CREB3L1: variants seen among roughly 807,000 people sequenced by gnomAD.
CREB3L1 encodes cyclic AMP-responsive element-binding protein 3-like protein 1.
Under a neutral mutation model 54.5 loss-of-function variants are expected in CREB3L1, and 33 were observed. The ratio of observed to expected loss-of-function variants is 0.61; its 90% CI spans 0.46 to 0.81. CREB3L1 has a LOEUF of 0.81. Among genes scored for constraint, CREB3L1 ranks in the 30% least tolerant of loss-of-function variants. CREB3L1 has a pLI of 0.00. For missense variants in CREB3L1, 656 were observed against 673.3 expected, an observed-to-expected ratio of 0.97 and a Z score of 0.29; for synonymous variants, 284 against 286.4, an observed-to-expected ratio of 0.99 and a Z score of 0.08.
chr11:46,305,498 C>T (rs1372231245), intron 2 of CREB3L1, among the ~76,000 whole-genome samples: 1 of 151,702 alleles, frequency 6.6e-6, no homozygotes, highest in Non-Finnish European at 1.5e-5. Context: ...GATTTCAACA[C>T]TTCCTGCAGT....
At position 46,312,923 on chromosome 11, in the gene CREB3L1, G is replaced by T. The variant is rs1404288892; in HGVS notation, c.1031+4G>T. 6.3e-7 allele frequency: 1 copy of T among 1,577,582 alleles called. No homozygotes were observed. Among genetic ancestry groups the T allele is most frequent in the South Asian group, 1.2e-5 (1 of 85,962 alleles). On this transcript the variant is annotated splice_donor_region_variant and intron_variant, in intron 8 of 11. Transcript: ENST00000621158. ...AGACCCTGGAGAATGCCAACAGGTG[G>T]GTAGTGCCTCCTGCATCCAACCTGG...
chr11:46,320,093 G>A (rs780764752), intron 10 of CREB3L1, among the ~76,000 whole-genome samples, 171 bp from the exon 11 acceptor site: 1 of 152,256 alleles, frequency 6.6e-6, no homozygotes, highest in East Asian at 1.9e-4. Flanking sequence ...AGCACACTGA[G>A]GCTCAGAAAG....
intron 1 of CREB3L1, among the ~76,000 whole-genome samples, chr11:46,282,429 C>T (rs1938993017): frequency 1.3e-5 from 2 of 152,280 alleles, no homozygotes; most frequent in Non-Finnish European, 2.9e-5. Context: ...CACTCTTGAG[C>T]ACTGTCTCTA....
At position 46,278,270 on chromosome 11, in the gene CREB3L1, G is replaced by A; in HGVS notation, c.102+57G>A. ...CCCTCGGCACCCGTCCTCGCGGCGC[G>A]CCTGGGCCCCTAGAAGGACCCGACT... is the stretch of plus-strand genomic sequence containing the variant. On this transcript the variant is annotated intron_variant, in intron 1 of 11. Transcript: ENST00000621158. This position sits in a 1 kb window ranked among gnomAD's most constrained non-coding sequence, Gnocchi z 4.2. 1 of 1,223,386 alleles carries A rather than the reference G, an allele frequency of 8.2e-7. No individual in the cohort carries two copies. Among genetic ancestry groups the A allele is most frequent in the East Asian group, 2.8e-5 (1 of 35,956 alleles). The allele number at this position is 1,223,386 out of a possible 1,614,324, so 75.8% of individuals were successfully genotyped here.
chr11:46,309,016 T>C (rs914339795), intron 3 of CREB3L1, among the ~76,000 whole-genome samples: 2 of 152,202 alleles, frequency 1.3e-5, no homozygotes, highest in Admixed American at 1.3e-4. Context: ...GCAACTGACA[T>C]GCCTTCCAAA....
At chr11:46,311,980 G>A (rs1303521770) in intron 5 of CREB3L1, among the ~76,000 whole-genome samples, 2 of 152,154 alleles carry the variant, frequency 1.3e-5, no homozygotes, top group East Asian at 3.9e-4. Flanking sequence ...CTGAGCCCTG[G>A]GATGGGTGTG....
intron 1 of CREB3L1, among the ~76,000 whole-genome samples, chr11:46,280,893 G>A (rs1938961198): frequency 6.6e-6 from 1 of 152,096 alleles, no homozygotes; most frequent in Non-Finnish European, 1.5e-5. Flanking sequence ...CAGAATATTC[G>A]CTATCCTCCT....
At chr11:46,293,388 G>A (rs1489522641) in intron 1 of CREB3L1, among the ~76,000 whole-genome samples, 4 of 152,222 alleles carry the variant, frequency 2.6e-5, no homozygotes, top group Non-Finnish European at 5.9e-5. Flanking sequence ...CACAGCGCAT[G>A]GGCTGCCTGG....
At chr11:46,310,844 C>A in intron 4 of CREB3L1, 188 bp from the exon 5 acceptor site, 3 of 783,316 alleles carry the variant, frequency 3.8e-6, no homozygotes, top group Middle Eastern at 4.0e-4. Flanking sequence ...CAGGAATTGG[C>A]TACCCAGATG....
In CREB3L1 at chr11:46,321,409, A is replaced by C. The variant is rs1344435741; in HGVS notation, c.*663A>C. 5.2e-6 allele frequency: 1 copy of C among 193,856 alleles called. No individual in the cohort carries two copies. The highest frequency in any genetic ancestry group is 1.1e-5 in the Non-Finnish European group (1 of 93,032). The allele number at this position is 193,856 out of a possible 1,614,324, so 12.0% of individuals were successfully genotyped here. On this transcript the variant is annotated 3_prime_UTR_variant, in exon 12 of 12. Coordinates refer to ENST00000621158, the MANE Select transcript of CREB3L1 (RefSeq NM_052854.4). ...AGCAAAACCAAAAAAAAAAAAAAAA[A>C]GATGCAGCATCAACTCCTGACTTTG...
At position 46,307,899 on chromosome 11, in the gene CREB3L1, G is replaced by C; in HGVS notation, c.415G>C (p.Asp139His). 6.3e-7 allele frequency: 1 copy of C among 1,580,460 alleles called. No individual in the cohort carries two copies. Among genetic ancestry groups the C allele is most frequent in the Non-Finnish European group, 8.6e-7 (1 of 1,163,986 alleles). ...GGAGCAGAGCCCGGAGCTGCCCGTG[G>C]ACCCTCTGGCTGCCCCCTCGGCCAT... ...KQEQSPELPV[D>H]PLAAPSAMAA... The change falls in exon 3 of 12, where the codon GAC becomes CAC. Residue 139 changes from aspartate to histidine, a missense_variant. By Grantham distance (81) the Asp-to-His change is moderately conservative (BLOSUM62 -1). Transcript: ENST00000621158.
At chr11:46,302,735 C>T (rs1230928908) in intron 2 of CREB3L1, among the ~76,000 whole-genome samples, 1 of 152,184 alleles carries the variant, frequency 6.6e-6, no homozygotes, top group African/African-American at 2.4e-5. Flanking sequence ...GTAATCCCAG[C>T]ACTTTGGGAG....
Position 46,307,988 on chromosome 11 carries a change from C to T in CREB3L1, c.504C>T (p.Pro168=), listed in dbSNP as rs769375670. ...LLGLSPLSRL[P]IPHQAPGEMT... ...GCCTCAGCCCCTTGTCCAGGCTGCC[C>T]ATCCCCCACCAGGTGAGCCTGGGAA... The change falls in exon 3 of 12, where the codon CCC becomes CCT. Residue 168 remains proline (P), a synonymous_variant. Coordinates refer to ENST00000621158, the MANE Select transcript of CREB3L1 (RefSeq NM_052854.4). 1.3e-6 allele frequency: 2 copies of T among 1,545,338 alleles called. No homozygotes were observed. Among genetic ancestry groups the T allele is most frequent in the East Asian group, 2.4e-5 (1 of 41,590 alleles).
chr11:46,316,331 C>T lies in CREB3L1; in HGVS notation c.1077C>T (p.Asn359=). 1 of 1,575,896 alleles carries T rather than the reference C, an allele frequency of 6.3e-7. No individual in the cohort carries two copies. The highest frequency in any genetic ancestry group is 2.4e-5 in the East Asian group (1 of 42,486). Residue 359 remains asparagine, a synonymous_variant, in exon 9 of 12, where the codon AAC becomes AAT. Transcript: ENST00000621158. ...AGAAACTCCAGACTCTGGTCACCAACAAGATCTCCAGACCTTACAAGATGG... is the reference window on the plus strand; with the variant it reads ...AGAAACTCCAGACTCTGGTCACCAATAAGATCTCCAGACCTTACAAGATGG... ...QLQKLQTLVT[N]KISRPYKMAA...
chr11:46,278,190 G>A lies in CREB3L1; in HGVS notation c.79G>A (p.Glu27Lys). 1.3e-6 allele frequency: 2 copies of A among 1,573,504 alleles called. No homozygotes were observed. The highest frequency in any genetic ancestry group is 1.7e-6 in the Non-Finnish European group (2 of 1,159,344). Residue 27 changes from glutamate (E) to lysine (K), a missense_variant, in exon 1 of 12, where the codon GAG becomes AAG. Transcript: ENST00000621158. This position sits in a 1 kb window ranked among gnomAD's most constrained non-coding sequence, Gnocchi z 4.2. ...SSFLDLGDLNESDFLNNAHFP... is the reference protein window; with the variant it reads ...SSFLDLGDLNKSDFLNNAHFP... ...CTTCCTGGACTTGGGGGATCTGAAC[G>A]AGTCGGACTTCCTCAACAATGCGGT...
rs754446917 is a variant in CREB3L1 at position 46,311,148 on chromosome 11, T to C, written c.712T>C (p.Ser238Pro). The change falls in exon 5 of 12, where the codon TCC (serine) becomes CCC (proline). Residue 238 changes from serine (S) to proline (P), a missense_variant. Physicochemically the swap from Ser to Pro is moderately conservative, Grantham distance 74. Transcript: ENST00000621158. ...CCCTGTCAGGCCCATGGCGCGCTCC[T>C]CCACGGCCATCTCCACCTCCCCACT... ...SSPVRPMARSSTAISTSPLLT... is the reference protein window; with the variant it reads ...SSPVRPMARSPTAISTSPLLT... 1.2e-6 allele frequency: 2 copies of C among 1,601,996 alleles called. No individual in the cohort carries two copies. Among genetic ancestry groups the C allele is most frequent in the South Asian group, 1.1e-5 (1 of 90,644 alleles).
intron 2 of CREB3L1, among the ~76,000 whole-genome samples, chr11:46,303,387 G>A (rs1939331262): frequency 6.6e-6 from 1 of 152,218 alleles, no homozygotes; most frequent in African/African-American, 2.4e-5. Flanking sequence ...GCTCAGGCCT[G>A]TAATCCCAGC....
At chr11:46,316,525 G>T in intron 9 of CREB3L1, 140 bp downstream of exon 9, 1 of 636,432 alleles carries the variant, frequency 1.6e-6, no homozygotes, top group Non-Finnish European at 2.8e-6. Context: ...GCGCCTGGTG[G>T]GCTGGTTCTA....
At chr11:46,317,587 G>A (rs1939587039) in intron 10 of CREB3L1, 100 bp downstream of exon 10, 5 of 1,457,358 alleles carry the variant, frequency 3.4e-6, no homozygotes, top group Non-Finnish European at 4.6e-6. Flanking sequence ...AGCCAAGTGT[G>A]GGGTCAGCAT....
Sources: allele counts gnomAD v4.1 joint callset (sites outside exome capture counted in the v4.1 genomes callset), GRCh38; gene constraint gnomAD v4.1.1; non-coding constraint Gnocchi (gnomAD v3.1); transcripts MANE v1.5; gene names NCBI Gene and HGNC (gene_info 2026-07-23, HGNC 2026-07-21).